PIBF1: variants seen among roughly 807,000 people sequenced by gnomAD.
PIBF1 encodes the protein progesterone immunomodulatory binding factor 1, also known as progesterone-induced-blocking factor 1.
In PIBF1, 90 loss-of-function variants were observed where a neutral mutation model predicts 112.5. The observed-to-expected ratio is 0.80, with a 90% CI of 0.67 to 0.95. The LOEUF (loss-of-function observed/expected upper bound fraction) is 0.95, where lower values mean the gene tolerates loss of function less well. Ranked by LOEUF, PIBF1 falls within the 40% of genes least tolerant of loss-of-function variation. The probability of loss-of-function intolerance (pLI) is 0.00; values close to 1 mark genes in which losing one functional copy is unlikely to be tolerated. For synonymous variants in PIBF1, 301 were observed against 288.6 expected (o/e 1.04, Z -0.44); for missense variants, 915 against 852.3 (o/e 1.07, Z -0.92).
chr13:72,833,239 T>A (rs543410403), intron 8 of PIBF1, among the ~76,000 whole-genome samples: 1 of 152,106 alleles, frequency 6.6e-6, no homozygotes. Context: ...GAGGAGTTTG[T>A]TATTACCCAC....
At chr13:72,970,835 G>A (rs566692684) in intron 15 of PIBF1, 9 of 152,236 alleles carry the variant, frequency 5.9e-5, no homozygotes, top group Non-Finnish European at 2.9e-5. Flanking sequence ...GTTAAAGGTT[G>A]TCTCCCTGTG....
intron 14 of PIBF1, among the ~76,000 whole-genome samples, chr13:72,951,131 T>C (rs565113823): frequency 2.0e-5 from 3 of 152,370 alleles, no homozygotes; most frequent in Admixed American, 1.3e-4. Flanking sequence ...ATCATTTGTG[T>C]GTGTGCCTGT....
intron 10 of PIBF1, among the ~76,000 whole-genome samples, chr13:72,859,914 A>G (rs1255255986): frequency 6.6e-6 from 1 of 152,208 alleles, no homozygotes; most frequent in East Asian, 1.9e-4. Context: ...CTAGGCTGTA[A>G]CTACCTACAA....
chr13:72,897,768 A>G (rs1013987915), intron 11 of PIBF1, among the ~76,000 whole-genome samples: 1 of 152,220 alleles, frequency 6.6e-6, no homozygotes, highest in African/African-American at 2.4e-5. Flanking sequence ...AAATATCACA[A>G]TGGACCTAAC....
chr13:72,870,033 T>C (rs1010504482), intron 10 of PIBF1, among the ~76,000 whole-genome samples: 3 of 152,222 alleles, frequency 2.0e-5, no homozygotes, highest in African/African-American at 7.2e-5. Context: ...GAATTTTTAA[T>C]TGCAGATACC....
chr13:72,894,713 G>A (rs1051371401), intron 11 of PIBF1, among the ~76,000 whole-genome samples: 5 of 148,498 alleles, frequency 3.4e-5, no homozygotes, highest in Non-Finnish European at 7.4e-5. Flanking sequence ...ATTAAACTCA[G>A]ATGGATTACT....
At chr13:72,831,159 CTTT>C (rs944741291) in intron 8 of PIBF1, among the ~76,000 whole-genome samples, 2 of 151,380 alleles carry the variant, frequency 1.3e-5, no homozygotes, top group African/African-American at 4.8e-5. Context: ...TTCCTCTCTT[CTTT>C]ATTAGTCTGG....
intron 10 of PIBF1, among the ~76,000 whole-genome samples, chr13:72,879,518 C>T (rs2039537177): frequency 6.6e-6 from 1 of 152,142 alleles, no homozygotes; most frequent in African/African-American, 2.4e-5. Context: ...GAGAGGGCTC[C>T]AAATGACCTG....
At chr13:72,959,389 C>A (rs2042544944) in intron 14 of PIBF1, among the ~76,000 whole-genome samples, 2 of 152,132 alleles carry the variant, frequency 1.3e-5, no homozygotes, top group Non-Finnish European at 2.9e-5. Context: ...CTCAAGCAGG[C>A]CTTTTTCATT....
chr13:72,790,463 ACTTATAGATAGATCACACACACC>A lies in PIBF1; in HGVS notation c.253-1961_253-1939del, dbSNP rs1164152156. Among the ~76,000 whole-genome samples the A allele has an allele frequency of 8.8e-4, 127 of 144,250 alleles. 2 individuals carry two copies. The highest frequency in any genetic ancestry group is 3.3e-3 in the African/African-American group (122 of 37,006). 94.6% of individuals were successfully genotyped at this position (144,250 alleles called of 152,430 possible). A position where few individuals can be genotyped will look rare whatever the true frequency, so the allele number is the denominator to read the frequency against. ...CACACACACACACACACACACACAC[ACTTATAGATAGATCACACACACC>A]CTTATAGATAGATCACACACACACA... On this transcript the variant is annotated intron_variant, in intron 2 of 17. Coordinates refer to ENST00000326291, the MANE Select transcript of PIBF1 (RefSeq NM_006346.4).
intron 14 of PIBF1, among the ~76,000 whole-genome samples, chr13:72,932,744 A>G (rs192760310): frequency 8.3e-4 from 127 of 152,314 alleles, no homozygotes; most frequent in African/African-American, 2.8e-3. Flanking sequence ...TTAAATTGAC[A>G]AATTTGATTG....
intron 14 of PIBF1, among the ~76,000 whole-genome samples, chr13:72,961,193 T>C (rs1222899286): frequency 6.6e-6 from 1 of 152,130 alleles, no homozygotes; most frequent in Non-Finnish European, 1.5e-5. Context: ...CAGCCCCCTT[T>C]TGGCTTCAGT....
At chr13:72,957,780 A>G (rs1023027218) in intron 14 of PIBF1, among the ~76,000 whole-genome samples, 1 of 151,984 alleles carries the variant, frequency 6.6e-6, no homozygotes, top group Non-Finnish European at 1.5e-5. Context: ...CTCTAAAAAA[A>G]GAAAAAAAAA....
intron 10 of PIBF1, among the ~76,000 whole-genome samples, chr13:72,876,162 A>T (rs2039392254): frequency 1.2e-5 from 1 of 82,690 alleles, no homozygotes; most frequent in Non-Finnish European, 2.2e-5. Flanking sequence ...TTGCATGTGA[A>T]TGTCCTATTG....
chr13:72,992,545 C>G (rs534872675), intron 16 of PIBF1, among the ~76,000 whole-genome samples: 4 of 151,970 alleles, frequency 2.6e-5, no homozygotes, highest in Admixed American at 6.6e-5. Context: ...ATGAATAGCC[C>G]CACTTTGGGA....
chr13:72,902,629 A>T (rs917100093), intron 11 of PIBF1, among the ~76,000 whole-genome samples: 1 of 152,224 alleles, frequency 6.6e-6, no homozygotes, highest in Non-Finnish European at 1.5e-5. Context: ...GTTTATATAA[A>T]TGATGCATGT....
intron 14 of PIBF1, among the ~76,000 whole-genome samples, chr13:72,943,860 AT>A (rs2042077473): frequency 6.6e-6 from 1 of 152,214 alleles, no homozygotes; most frequent in African/African-American, 2.4e-5. Flanking sequence ...TAGGCAAGTT[AT>A]CTTTTTGTAA....
intron 8 of PIBF1, among the ~76,000 whole-genome samples, chr13:72,831,111 G>A (rs2037089942): frequency 6.6e-6 from 1 of 151,712 alleles, no homozygotes; most frequent in Non-Finnish European, 1.5e-5. Flanking sequence ...TCGTTGGTGA[G>A]CTCCCCTTTA....
chr13:72,859,089 T>G (rs1180793258), intron 10 of PIBF1, among the ~76,000 whole-genome samples: 1 of 152,182 alleles, frequency 6.6e-6, no homozygotes, highest in African/African-American at 2.4e-5. Context: ...TCTAACCATT[T>G]AGGATTGCTT....
Sources: allele counts gnomAD v4.1 joint callset (sites outside exome capture counted in the v4.1 genomes callset), GRCh38; gene constraint gnomAD v4.1.1; transcripts MANE v1.5; gene names NCBI Gene and HGNC (gene_info 2026-07-23, HGNC 2026-07-21).